The following ASPRV1 variants were observed in gnomAD, a reference collection of about 807,000 sequenced individuals.
The protein encoded by ASPRV1 is retroviral-like aspartic protease 1.
A neutral mutation model predicts 11.0 loss-of-function variants in ASPRV1; 7 were observed. That is an observed-to-expected ratio of 0.64 (90% CI 0.36 to 1.20). The LOEUF (loss-of-function observed/expected upper bound fraction) is 1.20, where lower values mean the gene tolerates loss of function less well. ASPRV1 is among the 50% of genes most tolerant of loss of function. The probability of loss-of-function intolerance (pLI) is 0.02; values close to 1 mark genes in which losing one functional copy is unlikely to be tolerated. For synonymous variants in ASPRV1, 136 were observed against 138.4 expected (o/e 0.98, Z 0.12); for missense variants, 299 against 320.0 (o/e 0.93, Z 0.50).
chr2:70,004,044 AATACAGGGTGT>A, the ASPRV1 span, among the ~76,000 whole-genome samples: 2 of 152,158 alleles, frequency 1.3e-5, no homozygotes, highest in Admixed American at 1.3e-4. Context: ...AAAATGGACT[AATACAGGGTGT>A]TTGAGAGGAA....
At chr2:70,013,151 C>A in the ASPRV1 span, among the ~76,000 whole-genome samples, 1 of 152,170 alleles carries the variant, frequency 6.6e-6, no homozygotes, top group Non-Finnish European at 1.5e-5. Flanking sequence ...ACTGAACCAT[C>A]ATTTTCAAAA....
At chr2:70,006,203 G>C in the ASPRV1 span, among the ~76,000 whole-genome samples, 1 of 152,178 alleles carries the variant, frequency 6.6e-6, no homozygotes, top group Non-Finnish European at 1.5e-5. Flanking sequence ...TGGGGCTGGG[G>C]GGTAAAACTG....
chr2:70,050,458 T>A, the ASPRV1 span: 1 of 152,096 alleles, frequency 6.6e-6, no homozygotes, highest in Admixed American at 6.6e-5. Flanking sequence ...GGAAGCACGC[T>A]TTTTTCTAAA....
the ASPRV1 span, among the ~76,000 whole-genome samples, chr2:69,991,568 A>T: frequency 6.6e-6 from 1 of 151,812 alleles, no homozygotes; most frequent in Non-Finnish European, 1.5e-5. Flanking sequence ...TTTTTTTGAG[A>T]TGGAGTCTCA....
chr2:70,021,781 C>A, the ASPRV1 span, among the ~76,000 whole-genome samples: 1 of 151,972 alleles, frequency 6.6e-6, no homozygotes, highest in African/African-American at 2.4e-5. Context: ...CGGCTCACTG[C>A]AACCTCCGCC....
the ASPRV1 span, among the ~76,000 whole-genome samples, chr2:70,027,233 G>A: frequency 3.5e-5 from 5 of 144,370 alleles, no homozygotes; most frequent in Non-Finnish European, 6.0e-5. Context: ...CACTCAGCCT[G>A]GGCGACAGAG....
At chr2:70,077,777 T>C in the ASPRV1 span, among the ~76,000 whole-genome samples, 2 of 151,052 alleles carry the variant, frequency 1.3e-5, no homozygotes, top group East Asian at 1.9e-4. Flanking sequence ...ATCACTTGAA[T>C]ACGGGAGGCA....
the ASPRV1 span, among the ~76,000 whole-genome samples, chr2:69,982,597 G>T: frequency 6.6e-6 from 1 of 152,176 alleles, no homozygotes; most frequent in Admixed American, 6.5e-5. Flanking sequence ...AAAGGGAGAG[G>T]TTGGCGGCAA....
chr2:70,012,553 C>T, the ASPRV1 span, among the ~76,000 whole-genome samples: 3 of 152,248 alleles, frequency 2.0e-5, no homozygotes, highest in East Asian at 5.8e-4. Context: ...TATTTGGTGC[C>T]TTCTAGAGCC....
the ASPRV1 span, among the ~76,000 whole-genome samples, chr2:70,048,378 G>A: frequency 6.6e-6 from 1 of 151,310 alleles, no homozygotes. Context: ...TCGCACCACT[G>A]CACTCCAACC....
chr2:69,951,528 CTCA>C, the ASPRV1 span, among the ~76,000 whole-genome samples: 2 of 147,210 alleles, frequency 1.4e-5, no homozygotes, highest in African/African-American at 5.0e-5. Context: ...TACACACACA[CTCA>C]TATCATATAT....
the ASPRV1 span, chr2:69,996,727 C>T: frequency 4.4e-6 from 2 of 456,700 alleles, no homozygotes; most frequent in Non-Finnish European, 8.8e-6. Flanking sequence ...AAGAAAGCCA[C>T]CATCTACGGA....
chr2:69,952,500 T>C, the ASPRV1 span, among the ~76,000 whole-genome samples: 51 of 128,024 alleles, frequency 4.0e-4, no homozygotes, highest in African/African-American at 1.3e-3. Context: ...AGCAAGATCC[T>C]GTAAGAAAAG....
chr2:70,001,525 A>G, the ASPRV1 span, among the ~76,000 whole-genome samples: 1 of 152,256 alleles, frequency 6.6e-6, no homozygotes, highest in African/African-American at 2.4e-5. Flanking sequence ...TGTGAGGCCG[A>G]GGCAGGTGGG....
chr2:70,013,314 TG>T, the ASPRV1 span, among the ~76,000 whole-genome samples: 2 of 152,118 alleles, frequency 1.3e-5, no homozygotes, highest in Non-Finnish European at 2.9e-5. Context: ...TTTCAGAAAC[TG>T]CCATTTGTCT....
At chr2:69,978,793 C>T in the ASPRV1 span, among the ~76,000 whole-genome samples, 1 of 152,194 alleles carries the variant, frequency 6.6e-6, no homozygotes, top group Non-Finnish European at 1.5e-5. Context: ...TCATGGAACC[C>T]TCCCCTTCAT....
chr2:70,072,139 A>T, the ASPRV1 span, among the ~76,000 whole-genome samples: 1 of 151,488 alleles, frequency 6.6e-6, no homozygotes, highest in African/African-American at 2.4e-5. Flanking sequence ...TTTAGTAGAG[A>T]TGGGGTTTCG....
At chr2:70,057,371 C>T in the ASPRV1 span, among the ~76,000 whole-genome samples, 1 of 152,142 alleles carries the variant, frequency 6.6e-6, no homozygotes, top group Non-Finnish European at 1.5e-5. Flanking sequence ...TACAATTTTG[C>T]ACTTTTCTTT....
the ASPRV1 span, chr2:70,031,892 A>G: frequency 6.6e-6 from 1 of 152,266 alleles, no homozygotes; most frequent in Admixed American, 6.5e-5. Flanking sequence ...GATGGCCCTC[A>G]GCAGCATAAG....
Sources: allele counts gnomAD v4.1 joint callset (sites outside exome capture counted in the v4.1 genomes callset), GRCh38; gene constraint gnomAD v4.1.1; transcripts MANE v1.5; gene names NCBI Gene and HGNC (gene_info 2026-07-23, HGNC 2026-07-21).